Variants in SHC4 observed in about 807,000 individuals in gnomAD.
The protein encoded by SHC4 is SHC-transforming protein 4.
In SHC4, 41 loss-of-function variants were observed where a neutral mutation model predicts 69.4. That is an observed-to-expected ratio of 0.59 (90% confidence interval 0.46 to 0.77). The LOEUF (loss-of-function observed/expected upper bound fraction) is 0.77. Ranked by LOEUF, SHC4 falls within the 30% of genes least tolerant of loss-of-function variation. SHC4 has a pLI of 0.00. For missense variants in SHC4, 777 were observed against 783.8 expected, an observed-to-expected ratio of 0.99 and a Z score of 0.10; for synonymous variants, 318 against 299.3, an observed-to-expected ratio of 1.06 and a Z score of -0.64.
chr15:48,911,198 T>A (rs987369511), intron 2 of SHC4, among the ~76,000 whole-genome samples: 2 of 152,186 alleles, frequency 1.3e-5, no homozygotes, highest in African/African-American at 4.8e-5. Flanking sequence ...TTGCTGTTTA[T>A]CTCATTTCTT....
chr15:48,886,032 G>A (rs1442298456), intron 3 of SHC4, among the ~76,000 whole-genome samples: 1 of 152,216 alleles, frequency 6.6e-6, no homozygotes, highest in Non-Finnish European at 1.5e-5. Context: ...GCCGAGGTGA[G>A]CAGATCATGA....
intron 1 of SHC4, among the ~76,000 whole-genome samples, chr15:48,953,276 G>A (rs28435737): frequency 5.9e-5 from 9 of 152,170 alleles, no homozygotes; most frequent in African/African-American, 2.2e-4. Context: ...GAGGGTGGAG[G>A]ATGAGAGGAG....
At chr15:48,878,076 G>GGTTACGCAAGCGCGCAGC (rs1374373491) in intron 4 of SHC4, 37 of 1,458,288 alleles carry the variant, frequency 2.5e-5, no homozygotes, top group Non-Finnish European at 3.4e-5. Context: ...CTGCGCGCGG[G>GGTTACGCAAGCGCGCAGC]GTTACGCAAG....
chr15:48,830,330 C>T (rs1199746192), intron 11 of SHC4, among the ~76,000 whole-genome samples: 1 of 152,312 alleles, frequency 6.6e-6, no homozygotes, highest in Non-Finnish European at 1.5e-5. Flanking sequence ...TTTCTCCACA[C>T]ACAATTTTAT....
intron 1 of SHC4, among the ~76,000 whole-genome samples, chr15:48,951,240 A>C (rs6493343): frequency 0.94 from 143,164 of 152,062 alleles, 67,599 homozygotes; most frequent in East Asian, 1. Flanking sequence ...ATCCCCAGCC[A>C]CATCCTTCCT....
intron 8 of SHC4, among the ~76,000 whole-genome samples, chr15:48,853,491 T>G (rs1042256186): frequency 6.6e-6 from 1 of 151,904 alleles, no homozygotes; most frequent in African/African-American, 2.4e-5. Flanking sequence ...CCAAAAACAG[T>G]TGGTTCATAT....
chr15:48,913,428 G>A (rs1399166956), intron 2 of SHC4, among the ~76,000 whole-genome samples: 1 of 152,052 alleles, frequency 6.6e-6, no homozygotes. Flanking sequence ...CCGAAGGTCC[G>A]GTTTAACTCC....
chr15:48,933,407 T>C (rs1442892280), intron 1 of SHC4, among the ~76,000 whole-genome samples: 9 of 152,184 alleles, frequency 5.9e-5, no homozygotes, highest in Admixed American at 5.2e-4. Flanking sequence ...AAAAACATTG[T>C]TGAAGGAAAT....
intron 3 of SHC4, among the ~76,000 whole-genome samples, chr15:48,884,614 C>G (rs987830192): frequency 9.2e-5 from 14 of 152,108 alleles, no homozygotes; most frequent in Admixed American, 5.9e-4. Flanking sequence ...TCTCTCCTCC[C>G]CAGGTGCTGG....
At chr15:48,937,541 G>A (rs1422447992) in intron 1 of SHC4, among the ~76,000 whole-genome samples, 1 of 151,844 alleles carries the variant, frequency 6.6e-6, no homozygotes, top group Non-Finnish European at 1.5e-5. Flanking sequence ...CTCATGCCTT[G>A]CATATATTAT....
At chr15:48,858,030 A>G (rs1490914093) in intron 6 of SHC4, among the ~76,000 whole-genome samples, 1 of 152,196 alleles carries the variant, frequency 6.6e-6, no homozygotes, top group African/African-American at 2.4e-5. Context: ...AATATATCCA[A>G]CACTTACAAA....
intron 9 of SHC4, among the ~76,000 whole-genome samples, chr15:48,846,757 A>G (rs8036806): frequency 2.0e-5 from 3 of 152,150 alleles, no homozygotes; most frequent in African/African-American, 7.2e-5. Context: ...TGATTGGACA[A>G]ATATCTGCAT....
chr15:48,829,731 G>A (rs1471901211), intron 11 of SHC4, among the ~76,000 whole-genome samples: 9 of 152,036 alleles, frequency 5.9e-5, no homozygotes, highest in African/African-American at 1.2e-4. Context: ...CCAGACTGGC[G>A]GACATGGTGA....
In SHC4 at chr15:48,839,884, T is replaced by C. The variant is rs569368321; in HGVS notation, c.1483+3525A>G. Among the ~76,000 whole-genome samples the C allele has an allele frequency of 5.3e-5, 8 of 152,320 alleles. No homozygotes were observed. The East Asian group carries it at 1.5e-3, about 29-fold the overall frequency. On this transcript the variant is annotated intron_variant, in intron 10 of 11. Coordinates refer to ENST00000332408, the MANE Select transcript of SHC4 (RefSeq NM_203349.4). ...TACCAATATCTATCCTCCCTTTCAT[T>C]ACATTACAGAACTCCTAAATTTAGC...
intron 1 of SHC4, among the ~76,000 whole-genome samples, chr15:48,959,004 G>C (rs2141043359): frequency 2.6e-5 from 4 of 152,302 alleles, no homozygotes; most frequent in East Asian, 3.9e-4. Flanking sequence ...AGGTGGTCAG[G>C]ATTCATAAAG....
intron 1 of SHC4, among the ~76,000 whole-genome samples, chr15:48,935,610 G>A (rs1027618041): frequency 2.6e-5 from 4 of 152,182 alleles, no homozygotes; most frequent in African/African-American, 9.7e-5. Flanking sequence ...AGCCCTCCTT[G>A]TGCCAGGTTT....
Position 48,826,070 on chromosome 15 carries a change from C to T in SHC4, c.1794G>A (p.Met598Ile). ...AGGAGATGATTGGCAAACTGTTATC[C>T]ATATGGTATCTGATAAGGTGGCCGA... is the stretch of plus-strand genomic sequence containing the variant. ...DNVGHLIRYH[M>I]DNSLPIISSG... Residue 598 changes from methionine to isoleucine, a missense_variant, in exon 12 of 12, where the codon ATG (methionine) becomes ATA (isoleucine). Transcript: ENST00000332408. 4 of 1,613,830 alleles carry T rather than the reference C, an allele frequency of 2.5e-6. No individual in the cohort carries two copies. Among genetic ancestry groups the T allele is most frequent in the Non-Finnish European group, 2.5e-6 (3 of 1,179,926 alleles).
intron 1 of SHC4, among the ~76,000 whole-genome samples, chr15:48,928,688 G>A (rs977049632): frequency 3.9e-5 from 6 of 151,962 alleles, no homozygotes; most frequent in African/African-American, 1.2e-4. Flanking sequence ...TATCTGCTTC[G>A]GACTAAGGCA....
chr15:48,872,361 C>T (rs1899695073), intron 4 of SHC4, among the ~76,000 whole-genome samples: 2 of 152,196 alleles, frequency 1.3e-5, no homozygotes, highest in Admixed American at 1.3e-4. Flanking sequence ...CCAGGTGGAA[C>T]ATTATCTAGG....
Sources: allele counts gnomAD v4.1 joint callset (sites outside exome capture counted in the v4.1 genomes callset), GRCh38; gene constraint gnomAD v4.1.1; transcripts MANE v1.5; gene names NCBI Gene and HGNC (gene_info 2026-07-23, HGNC 2026-07-21).